Variants in CEP128 observed in about 807,000 individuals in gnomAD.
The protein encoded by CEP128 is centrosomal protein 128kDa.
In CEP128, 132 loss-of-function variants were observed where a neutral mutation model predicts 156.7. The observed-to-expected ratio is 0.84, with a 90% confidence interval of 0.73 to 0.97. The LOEUF is 0.97. Ranked by LOEUF, CEP128 falls within the 50% of genes least tolerant of loss-of-function variation. The pLI is 0.00. For missense variants in CEP128, 1,252 were observed against 1,281.9 expected, an observed-to-expected ratio of 0.98 and a Z score of 0.36; for synonymous variants, 469 against 448.9, an observed-to-expected ratio of 1.04 and a Z score of -0.57.
intron 19 of CEP128, among the ~76,000 whole-genome samples, chr14:80,695,022 G>T (rs1379320023): frequency 6.6e-6 from 1 of 151,806 alleles, no homozygotes; most frequent in Admixed American, 6.6e-5. Flanking sequence ...AATTATTAAG[G>T]TGATCTTATT....
At chr14:80,594,676 C>T (rs937056800) in intron 19 of CEP128, among the ~76,000 whole-genome samples, 1 of 152,184 alleles carries the variant, frequency 6.6e-6, no homozygotes, top group African/African-American at 2.4e-5. Context: ...TGAACAGACA[C>T]TTCTCAAAGG....
intron 21 of CEP128, among the ~76,000 whole-genome samples, chr14:80,548,962 A>G (rs1890100212): frequency 6.6e-6 from 1 of 152,230 alleles, no homozygotes; most frequent in South Asian, 2.1e-4. Context: ...TTTTGCCACA[A>G]GGTTGTACCT....
chr14:80,829,709 T>C (rs907082110), intron 13 of CEP128, among the ~76,000 whole-genome samples: 8 of 152,172 alleles, frequency 5.3e-5, no homozygotes, highest in African/African-American at 1.7e-4. Flanking sequence ...TAAAAACCTT[T>C]CCTCCAATTG....
intron 13 of CEP128, among the ~76,000 whole-genome samples, chr14:80,814,483 T>TA (rs35031124): frequency 0.62 from 93,917 of 150,294 alleles, 29,537 homozygotes; most frequent in East Asian, 0.78. Flanking sequence ...ATTATTTGGT[T>TA]AAAAAAAAAA....
At chr14:80,608,840 C>T (rs1313297314) in intron 19 of CEP128, among the ~76,000 whole-genome samples, 1 of 152,176 alleles carries the variant, frequency 6.6e-6, no homozygotes, top group Non-Finnish European at 1.5e-5. Flanking sequence ...AGCACTGTCA[C>T]ATTATTTCTA....
intron 21 of CEP128, among the ~76,000 whole-genome samples, chr14:80,556,494 C>T (rs543195064): frequency 1.8e-3 from 281 of 152,208 alleles, no homozygotes; most frequent in Non-Finnish European, 3.4e-3. Context: ...AAGGAGCTTA[C>T]CTGCTATTAA....
chr14:80,635,740 C>G (rs1355638974), intron 19 of CEP128, among the ~76,000 whole-genome samples: 1 of 152,164 alleles, frequency 6.6e-6, no homozygotes, highest in East Asian at 1.9e-4. Context: ...GGTTGAGCCT[C>G]CCTACTGTGA....
intron 19 of CEP128, among the ~76,000 whole-genome samples, chr14:80,647,804 G>A (rs1894728151): frequency 6.6e-6 from 1 of 152,060 alleles, no homozygotes; most frequent in Admixed American, 6.6e-5. Flanking sequence ...TAAAGGACTA[G>A]GTTAGTTGAT....
chr14:80,797,282 T>G (rs545486341), intron 13 of CEP128, among the ~76,000 whole-genome samples: 1 of 152,290 alleles, frequency 6.6e-6, no homozygotes, highest in South Asian at 2.1e-4. Context: ...CTGCGGACTC[T>G]TATATTAACA....
intron 13 of CEP128, chr14:80,830,926 ATCATCCAGGTTC>A: frequency 2.1e-6 from 1 of 468,976 alleles, no homozygotes; most frequent in South Asian, 3.5e-5. Flanking sequence ...ATAAAGGAAA[ATCATCCAGGTTC>A]CTGGCTTTGG....
intron 18 of CEP128, among the ~76,000 whole-genome samples, chr14:80,749,945 G>T (rs564630027): frequency 3.8e-4 from 58 of 152,206 alleles, no homozygotes; most frequent in Non-Finnish European, 6.5e-4. Flanking sequence ...AAATTTAAAA[G>T]AGATAAATCT....
intron 12 of CEP128, among the ~76,000 whole-genome samples, chr14:80,834,254 G>T (rs1885959901): frequency 1.3e-5 from 2 of 152,100 alleles, no homozygotes; most frequent in South Asian, 4.1e-4. Flanking sequence ...AACTAAGACA[G>T]AAGAATTAGG....
chr14:80,593,803 C>A (rs1468527686), intron 19 of CEP128, among the ~76,000 whole-genome samples: 2 of 152,174 alleles, frequency 1.3e-5, no homozygotes, highest in Admixed American at 6.5e-5. Context: ...CTACAAACCA[C>A]TGCTCAAGGA....
intron 16 of CEP128, among the ~76,000 whole-genome samples, chr14:80,775,264 A>G (rs995931344): frequency 1.1e-4 from 16 of 152,162 alleles, no homozygotes; most frequent in Admixed American, 9.8e-4. Context: ...AAAGAATTCA[A>G]AGTTTTACGC....
intron 20 of CEP128, 115 bp downstream of exon 20, chr14:80,580,259 A>T: frequency 6.3e-6 from 4 of 639,492 alleles, no homozygotes; most frequent in Non-Finnish European, 8.2e-6. Flanking sequence ...TAGTTCTGAC[A>T]TTGTCCTTGT....
intron 19 of CEP128, among the ~76,000 whole-genome samples, chr14:80,623,727 A>G (rs961286780): frequency 3.3e-5 from 5 of 152,138 alleles, no homozygotes; most frequent in African/African-American, 1.2e-4. Flanking sequence ...TCTAATTAGC[A>G]AAAAGTGGAT....
At chr14:80,479,164 G>A (rs996129425) in intron 14 of CEP128, among the ~76,000 whole-genome samples, 4 of 152,106 alleles carry the variant, frequency 2.6e-5, no homozygotes, top group Admixed American at 6.6e-5. Context: ...ACCCCAAATC[G>A]CACAATTAGT....
intron 2 of CEP128, among the ~76,000 whole-genome samples, chr14:80,916,867 T>C (rs1387356254): frequency 6.6e-6 from 1 of 152,212 alleles, no homozygotes; most frequent in Admixed American, 6.5e-5. Flanking sequence ...TATTGTCACA[T>C]TTAGTACCTC....
At chr14:80,553,544 C>A (rs772673942) in intron 21 of CEP128, among the ~76,000 whole-genome samples, 1 of 152,170 alleles carries the variant, frequency 6.6e-6, no homozygotes, top group Non-Finnish European at 1.5e-5. Flanking sequence ...ATTTTAATTT[C>A]CATAGCTTTA....
Sources: gnomAD v4.1 joint callset for allele counts (sites outside exome capture counted in the v4.1 genomes callset) on GRCh38, gnomAD v4.1.1 for gene constraint, MANE v1.5 for transcripts, NCBI Gene and HGNC (gene_info 2026-07-23, HGNC 2026-07-21) for gene names.